MIA3: variants seen among roughly 807,000 people sequenced by gnomAD.
MIA3 encodes MIA SH3 domain ER export factor 3.
In MIA3, 90 loss-of-function variants were observed where a neutral mutation model predicts 192.4. The observed-to-expected ratio is 0.47, with a 90% CI of 0.39 to 0.56. The LOEUF (loss-of-function observed/expected upper bound fraction) is 0.56, where lower values mean the gene tolerates loss of function less well. MIA3 is among the 20% of genes least tolerant of loss of function. MIA3 has a pLI of 0.00. For missense variants in MIA3, 2,123 were observed against 2,269.4 expected, an observed-to-expected ratio of 0.94 and a Z score of 1.31; for synonymous variants, 740 against 792.8, an observed-to-expected ratio of 0.93 and a Z score of 1.12.
chr1:222,660,144 C>A, intron 23 of MIA3, 33 bp from the exon 24 acceptor site: 1 of 1,604,564 alleles, frequency 6.2e-7, no homozygotes, highest in South Asian at 1.1e-5. Flanking sequence ...AAAAGGCTGT[C>A]TTAAAATGCT....
chr1:222,637,193 T>C (rs543746755), intron 6 of MIA3, among the ~76,000 whole-genome samples: 12 of 152,248 alleles, frequency 7.9e-5, no homozygotes, highest in Non-Finnish European at 1.6e-4. Context: ...TTCTAAGGTA[T>C]ATGATGGTCT....
intron 6 of MIA3, 107 bp from the exon 7 acceptor site, chr1:222,645,447 A>G (rs1663094563): frequency 1.1e-6 from 1 of 948,650 alleles, no homozygotes; most frequent in Non-Finnish European, 1.6e-6. Flanking sequence ...GGGGATAGGT[A>G]TCTGATAGAG....
chr1:222,629,588 A>C lies in MIA3; in HGVS notation c.2368A>C (p.Lys790Gln), dbSNP rs376170541. 24 of 1,613,912 alleles carry C rather than the reference A, an allele frequency of 1.5e-5. No homozygotes were observed. In the African/African-American group the frequency reaches 2.8e-4, roughly 19 times the overall value. The stretch of plus-strand genomic sequence containing the variant: ...AACTAGTATGATTTTGGATAGCGAA[A>C]AAACAAGTGAGACTGCTGCCAAAGG... ...QETSMILDSE[K>Q]TSETAAKGVN... The change falls in exon 4 of 28, where the codon AAA becomes CAA. Residue 790 changes from lysine (K) to glutamine (Q), a missense_variant. Around this residue, in one of 3 missense-constraint regions of MIA3, gnomAD observed 1,357 missense variants for 1,396.1 expected, o/e 0.97. Coordinates refer to ENST00000344922, the MANE Select transcript of MIA3 (RefSeq NM_198551.4).
In MIA3 at chr1:222,630,408, T is replaced by C. The variant is rs546330017; in HGVS notation, c.3169+19T>C. ...ATGGAAGGTGAGATGCCTATGGCCT[T>C]GTAGAACAGGGCTGGAGAAGCAGGT... is the stretch of plus-strand genomic sequence containing the variant. On this transcript the variant is annotated intron_variant, in intron 4 of 27. Coordinates refer to ENST00000344922, the MANE Select transcript of MIA3 (RefSeq NM_198551.4). 32 of 1,572,530 alleles carry C rather than the reference T, an allele frequency of 2.0e-5. No individual in the cohort carries two copies. Among genetic ancestry groups the C allele is most frequent in the South Asian group, 1.2e-4 (10 of 83,818 alleles).
At position 222,659,498 on chromosome 1, in the gene MIA3, G is replaced by A. The variant is rs796409114; in HGVS notation, c.4755G>A (p.Arg1585=). ...AGGATGAATTACAGAAGACAGAGCG[G>A]TCATTTAAAAACCAGGTAATAATTC... ...EMEDELQKTE[R]SFKNQIATHE... Residue 1585 remains arginine (R), a synonymous_variant, in exon 20 of 28, where the codon CGG becomes CGA. Transcript: ENST00000344922. 2 of 1,613,918 alleles carry A rather than the reference G, an allele frequency of 1.2e-6. No individual in the cohort carries two copies. The highest frequency in any genetic ancestry group is 2.7e-5 in the African/African-American group (2 of 75,034).
chr1:222,648,690 C>T (rs1281567881), intron 7 of MIA3, 139 bp from the exon 8 acceptor site: 3 of 611,514 alleles, frequency 4.9e-6, no homozygotes, highest in African/African-American at 1.9e-5. Context: ...TAAGTTTTTT[C>T]ATCTTGAGGA....
rs1370394560 is a variant in MIA3, at chr1:222,629,669, G to T, written c.2449G>T (p.Ala817Ser). The T allele has an allele frequency of 1.9e-6, 3 of 1,614,120 alleles. No homozygotes were observed. Among genetic ancestry groups the T allele is most frequent in the East Asian group, 2.2e-5 (1 of 44,884 alleles). ...AATGGTGGAAAAAGAACGCCCTCTG[G>T]CAGATAAGAAAGCACAGAGACCATT... ...NTMVEKERPL[A>S]DKKAQRPFER... Residue 817 changes from alanine to serine, a missense_variant, in exon 4 of 28, where the codon GCA becomes TCA. Physicochemically the swap from Ala to Ser is moderately conservative, Grantham distance 99. Transcript: ENST00000344922.
At chr1:222,638,015 A>G (rs1001310677) in intron 6 of MIA3, among the ~76,000 whole-genome samples, 2 of 152,150 alleles carry the variant, frequency 1.3e-5, no homozygotes, top group Non-Finnish European at 2.9e-5. Flanking sequence ...TTACAATTAT[A>G]ATTGGAGATT....
chr1:222,632,686 G>C (rs1013809950), intron 5 of MIA3, among the ~76,000 whole-genome samples: 1 of 152,324 alleles, frequency 6.6e-6, no homozygotes, highest in East Asian at 1.9e-4. Context: ...AGCCCTCCAG[G>C]AAAGACTGAC....
In MIA3 at chr1:222,627,695, G is replaced by GA. The variant is rs1269683793; in HGVS notation, c.481dup (p.Thr161AsnfsTer10). ...AGCTACAGATTCTGAGAAAGCTGTA[G>GA]AAAAAACTTTACAGGATATGGAAAA... On this transcript the variant is annotated frameshift_variant, in exon 4 of 28. Coordinates refer to ENST00000344922, the MANE Select transcript of MIA3 (RefSeq NM_198551.4). LOFTEE classifies it high-confidence loss of function. 2 of 1,613,472 alleles carry GA rather than the reference G, an allele frequency of 1.2e-6. No homozygotes were observed. The highest frequency in any genetic ancestry group is 1.7e-6 in the Non-Finnish European group (2 of 1,179,918).
intron 4 of MIA3, among the ~76,000 whole-genome samples, chr1:222,631,179 T>G (rs966206257): frequency 3.9e-4 from 59 of 151,674 alleles, no homozygotes; most frequent in African/African-American, 1.4e-3. Context: ...TGGAGTACAG[T>G]GGCATGATCA....
intron 15 of MIA3, 122 bp downstream of exon 15, chr1:222,653,461 A>C: frequency 1.5e-6 from 1 of 656,868 alleles, no homozygotes; most frequent in Non-Finnish European, 2.7e-6. Context: ...ATTGGATTTG[A>C]ATGTGTGTCT....
intron 1 of MIA3, among the ~76,000 whole-genome samples, chr1:222,618,922 C>A (rs1300804593): frequency 6.6e-6 from 1 of 152,206 alleles, no homozygotes; most frequent in Non-Finnish European, 1.5e-5. Context: ...TCTGCCCCGA[C>A]TTTGATCAAT....
intron 6 of MIA3, among the ~76,000 whole-genome samples, chr1:222,643,266 T>C (rs994666503): frequency 2.6e-5 from 4 of 152,246 alleles, no homozygotes; most frequent in African/African-American, 9.6e-5. Context: ...GTTATCTAGA[T>C]ATGTAATACC....
intron 6 of MIA3, among the ~76,000 whole-genome samples, chr1:222,643,314 A>G (rs774448431): frequency 2.0e-5 from 3 of 152,338 alleles, no homozygotes; most frequent in African/African-American, 7.2e-5. Context: ...GCCTTGCTGT[A>G]TCGCAAATTT....
At chr1:222,644,926 G>A (rs1393757772) in intron 6 of MIA3, among the ~76,000 whole-genome samples, 1 of 152,124 alleles carries the variant, frequency 6.6e-6, no homozygotes, top group African/African-American at 2.4e-5. Flanking sequence ...ACTTGTAAAG[G>A]GCTGTGGAAA....
At chr1:222,651,220 T>G (rs1340399308) in intron 11 of MIA3, among the ~76,000 whole-genome samples, 1 of 151,674 alleles carries the variant, frequency 6.6e-6, no homozygotes, top group African/African-American at 2.4e-5. Context: ...AGTTTTTTTT[T>G]TTTTTTGCTA....
intron 10 of MIA3, 28 bp from the exon 11 acceptor site, chr1:222,650,765 A>G (rs1303943762): frequency 6.4e-7 from 1 of 1,574,486 alleles, no homozygotes; most frequent in Non-Finnish European, 8.7e-7. Flanking sequence ...AGTAATGAGT[A>G]TAACTAACCT....
intron 6 of MIA3, among the ~76,000 whole-genome samples, chr1:222,637,096 G>C (rs1271006103): frequency 6.6e-6 from 1 of 152,180 alleles, no homozygotes; most frequent in Non-Finnish European, 1.5e-5. Flanking sequence ...CTTTCAGTGG[G>C]AGGGTGAGTC....
Sources: gnomAD v4.1 joint callset for allele counts (sites outside exome capture counted in the v4.1 genomes callset) on GRCh38, gnomAD v4.1.1 for gene constraint, gnomAD v4.1.1 regional missense constraint, MANE v1.5 for transcripts, NCBI Gene and HGNC (gene_info 2026-07-23, HGNC 2026-07-21) for gene names.